The following IL1RL1 variants were observed in gnomAD, a reference collection of about 807,000 sequenced individuals.
IL1RL1 encodes the protein interleukin-1 receptor-like 1.
In IL1RL1, 32 loss-of-function variants were observed where a neutral mutation model predicts 50.9. That is an observed-to-expected ratio of 0.63 (90% CI 0.47 to 0.84). IL1RL1 has a LOEUF of 0.84. IL1RL1 is among the 40% of genes least tolerant of loss of function. IL1RL1 has a pLI of 0.00. For missense variants in IL1RL1, 773 were observed against 662.9 expected (o/e 1.17, Z -1.82); for synonymous variants, 275 against 236.0 (o/e 1.17, Z -1.51).
chr2:102,324,013 C>CTT lies in IL1RL1; in HGVS notation c.-150+12403_-150+12404dup, dbSNP rs33934744. On this transcript the variant is annotated intron_variant, in intron 1 of 10. Transcript: ENST00000233954. ...ATGTTTCTAAGATTCATCAGTAGTTCTTTTTTTTTTTTTTGCTGAGTAGTG... is the reference window on the plus strand; with the variant it reads ...ATGTTTCTAAGATTCATCAGTAGTTCTTTTTTTTTTTTTTTTGCTGAGTAGTG... Among the ~76,000 whole-genome samples the CTT allele has an allele frequency of 1.3e-3, 178 of 138,252 alleles. 13 individuals carry two copies. The highest frequency in any genetic ancestry group is 2.0e-3 in the African/African-American group (76 of 37,490). 90.7% of individuals were successfully genotyped at this position (138,252 alleles called of 152,430 possible). A position where few individuals can be genotyped will look rare whatever the true frequency, so the allele number is the denominator to read the frequency against.
At chr2:102,322,788 A>T (rs191128457) in intron 1 of IL1RL1, among the ~76,000 whole-genome samples, 32 of 152,300 alleles carry the variant, frequency 2.1e-4, no homozygotes, top group Non-Finnish European at 3.4e-4. Flanking sequence ...CTTCCCAGAG[A>T]GTTGCCCTCA....
intron 1 of IL1RL1, among the ~76,000 whole-genome samples, chr2:102,323,020 G>T (rs953102988): frequency 6.6e-6 from 1 of 151,848 alleles, no homozygotes; most frequent in Non-Finnish European, 1.5e-5. Context: ...TCATCCTATG[G>T]TTATATCAGT....
chr2:102,332,706 A>G (rs1209084685), intron 1 of IL1RL1, among the ~76,000 whole-genome samples: 1 of 152,136 alleles, frequency 6.6e-6, no homozygotes, highest in Non-Finnish European at 1.5e-5. Context: ...ATACTCGGGG[A>G]TGGTGAAAAT....
chr2:102,340,467 G>A (rs957393267), intron 4 of IL1RL1, among the ~76,000 whole-genome samples, 195 bp downstream of exon 4: 4 of 152,246 alleles, frequency 2.6e-5, no homozygotes, highest in African/African-American at 7.2e-5. Context: ...ATAAAAATCA[G>A]CTGGGTGTGG....
chr2:102,348,029 T>C lies in IL1RL1; in HGVS notation c.1055T>C (p.Met352Thr), dbSNP rs369445462. ...AATGTCCTGGTTATCATCCTAAAAA[T>C]GTTCTGGATTGAGGCCACTCTGCTC... ...LINVLVIILK[M>T]FWIEATLLWR... is the part of the protein sequence containing the mutation. Residue 352 changes from methionine to threonine, a missense_variant, in exon 9 of 11, where the codon ATG (methionine) becomes ACG (threonine). By Grantham distance (81) the Met-to-Thr change is moderately conservative. Coordinates refer to ENST00000233954, the MANE Select transcript of IL1RL1 (RefSeq NM_016232.5). The C allele has an allele frequency of 2.3e-5, 37 of 1,608,728 alleles. No homozygotes were observed. The highest frequency in any genetic ancestry group is 3.1e-5 in the Non-Finnish European group (36 of 1,175,194).
rs552630771 is a variant in IL1RL1 at position 102,339,248 on chromosome 2, G to T, written c.272+201G>T. The T allele has an allele frequency of 7.6e-6, 4 of 529,718 alleles. No individual in the cohort carries two copies. The South Asian group carries it at 8.4e-5, about 11-fold the overall frequency. 32.8% of individuals were successfully genotyped at this position (529,718 alleles called of 1,614,324 possible). A position where few individuals can be genotyped will look rare whatever the true frequency, so the allele number is the denominator to read the frequency against. ...GGTCTAGCTCATTCTGAGCTATTTG[G>T]ATTTACAGTTGCAGGGATTGATTTG... On this transcript the variant is annotated intron_variant, in intron 3 of 10. Coordinates refer to ENST00000233954, the MANE Select transcript of IL1RL1 (RefSeq NM_016232.5).
chr2:102,316,697 A>T (rs1421368701), intron 1 of IL1RL1, among the ~76,000 whole-genome samples: 2 of 152,220 alleles, frequency 1.3e-5, no homozygotes, highest in East Asian at 1.9e-4. Flanking sequence ...ACCTAAAAAA[A>T]TTGTACAATT....
chr2:102,315,406 C>G (rs1403519206), intron 1 of IL1RL1, among the ~76,000 whole-genome samples: 1 of 152,148 alleles, frequency 6.6e-6, no homozygotes, highest in Admixed American at 6.5e-5. Context: ...TCACACTATA[C>G]TTGAATGTCT....
chr2:102,343,218 C>G (rs1246973001), intron 7 of IL1RL1, 41 bp downstream of exon 7: 2 of 1,613,956 alleles, frequency 1.2e-6, no homozygotes, highest in South Asian at 2.2e-5. Context: ...TCCCCTTGCA[C>G]ATGGTTTGCA....
intron 1 of IL1RL1, among the ~76,000 whole-genome samples, chr2:102,312,658 A>C (rs1447783519): frequency 1.3e-5 from 2 of 151,936 alleles, no homozygotes. Flanking sequence ...GAGAACGGAC[A>C]TGAGAGGGGT....
chr2:102,344,866 T>C, intron 8 of IL1RL1: 1 of 967,038 alleles, frequency 1.0e-6, no homozygotes, highest in South Asian at 4.8e-5. Context: ...AATTGTTTAT[T>C]GCTTCCCTAC....
At chr2:102,311,999 A>AT (rs1676518311) in intron 1 of IL1RL1, among the ~76,000 whole-genome samples, 9 of 28,806 alleles carry the variant, frequency 3.1e-4, no homozygotes, top group African/African-American at 1.6e-3. Context: ...TATATATAAT[A>AT]TATTTATATA....
intron 1 of IL1RL1, among the ~76,000 whole-genome samples, chr2:102,311,987 ATT>A (rs1676514332): frequency 7.0e-5 from 3 of 43,002 alleles, no homozygotes; most frequent in African/African-American, 4.7e-4. Context: ...TATAATATAT[ATT>A]ATATATAATA....
chr2:102,342,045 TCGTGTGTG>T (rs1677584849), intron 5 of IL1RL1, among the ~76,000 whole-genome samples, 170 bp from the exon 6 acceptor site: 1 of 107,170 alleles, frequency 9.3e-6, no homozygotes. Context: ...CCTTTCTGTT[TCGTGTGTG>T]TGTGTGTGTG....
intron 5 of IL1RL1, chr2:102,341,131 T>G: frequency 9.9e-7 from 1 of 1,008,166 alleles, no homozygotes; most frequent in Non-Finnish European, 1.2e-6. Context: ...CTTACTTTTT[T>G]TGAATGGCAA....
intron 1 of IL1RL1, among the ~76,000 whole-genome samples, chr2:102,316,398 T>C (rs1676674393): frequency 6.6e-6 from 1 of 152,210 alleles, no homozygotes; most frequent in Admixed American, 6.5e-5. Context: ...GGCATAGATA[T>C]TCTCTTGGTG....
intron 5 of IL1RL1, among the ~76,000 whole-genome samples, chr2:102,341,975 A>G (rs1038997782): frequency 6.6e-6 from 1 of 152,036 alleles, no homozygotes; most frequent in Non-Finnish European, 1.5e-5. Context: ...TTTAAGTGAT[A>G]TCAGAGAATA....
intron 1 of IL1RL1, among the ~76,000 whole-genome samples, chr2:102,323,858 C>T (rs868048481): frequency 7.9e-5 from 12 of 152,176 alleles, no homozygotes; most frequent in Admixed American, 3.3e-4. Context: ...CTCTCATACT[C>T]CTTTATAAGT....
At chr2:102,328,067 G>C (rs1189128511) in intron 1 of IL1RL1, among the ~76,000 whole-genome samples, 1 of 152,112 alleles carries the variant, frequency 6.6e-6, no homozygotes, top group Non-Finnish European at 1.5e-5. Context: ...GAGAATTTTA[G>C]ACCAATATCC....
Sources: allele counts gnomAD v4.1 joint callset (sites outside exome capture counted in the v4.1 genomes callset), GRCh38; gene constraint gnomAD v4.1.1; transcripts MANE v1.5; gene names NCBI Gene and HGNC (gene_info 2026-07-23, HGNC 2026-07-21).